Variants in MYO1B observed in about 807,000 individuals in gnomAD.
MYO1B encodes the protein myosin IB, also known as unconventional myosin-Ib.
MYO1B carries 72 observed loss-of-function variants against 159.7 expected under a neutral mutation model. The observed-to-expected ratio is 0.45, with a 90% confidence interval of 0.37 to 0.55. MYO1B has a LOEUF of 0.55. MYO1B is among the 20% of genes least tolerant of loss of function. The probability of loss-of-function intolerance (pLI) is 0.00; values close to 1 mark genes in which losing one functional copy is unlikely to be tolerated. For synonymous variants in MYO1B, 468 were observed against 473.8 expected (o/e 0.99, Z 0.16); for missense variants, 1,062 against 1,364.8 (o/e 0.78, Z 3.50).
chr2:191,408,833 C>T (rs1381075738), intron 25 of MYO1B, among the ~76,000 whole-genome samples: 1 of 152,212 alleles, frequency 6.6e-6, no homozygotes, highest in African/African-American at 2.4e-5. Context: ...CATTACTATT[C>T]TTCTTTTCTC....
intron 4 of MYO1B, among the ~76,000 whole-genome samples, chr2:191,336,365 TCA>T (rs1691841860): frequency 6.6e-6 from 1 of 152,304 alleles, no homozygotes; most frequent in Non-Finnish European, 1.5e-5. Flanking sequence ...GGCGAGCATT[TCA>T]CAGTGTTGAA....
intron 23 of MYO1B, chr2:191,402,404 CCACA>C: frequency 1.9e-6 from 1 of 538,550 alleles, no homozygotes; most frequent in East Asian, 3.3e-5. Flanking sequence ...ACCTTGGGAA[CCACA>C]CAGATTGTCC....
At chr2:191,290,249 C>T (rs1688617296) in intron 2 of MYO1B, among the ~76,000 whole-genome samples, 1 of 152,182 alleles carries the variant, frequency 6.6e-6, no homozygotes. Flanking sequence ...CCTCCCTACT[C>T]TTCCTTTTCT....
intron 1 of MYO1B, among the ~76,000 whole-genome samples, chr2:191,257,223 C>T (rs1028188982): frequency 6.6e-6 from 1 of 152,062 alleles, no homozygotes; most frequent in Non-Finnish European, 1.5e-5. Context: ...TACTTACTTA[C>T]ACCTAAATTA....
Position 191,389,853 on chromosome 2 carries a change from A to G in MYO1B, c.1782-439A>G, listed in dbSNP as rs557153107. On this transcript the variant is annotated intron_variant, in intron 17 of 30. Transcript: ENST00000392318. ...TGTTACCCCATCCAGACCAAGTGGT[A>G]AAACATTCCCGTCAGTCCAGAAGAT... Among the ~76,000 whole-genome samples the G allele has an allele frequency of 6.6e-5, 10 of 152,346 alleles. No individual in the cohort carries two copies. The South Asian group carries it at 2.1e-3, about 32-fold the overall frequency.
At chr2:191,398,506 T>G (rs1192331475) in intron 21 of MYO1B, among the ~76,000 whole-genome samples, 7 of 145,424 alleles carry the variant, frequency 4.8e-5, no homozygotes, top group Admixed American at 3.4e-4. Context: ...TCCTCACTTC[T>G]CAGACGGGGC....
chr2:191,354,439 T>C (rs1027585162), intron 7 of MYO1B, among the ~76,000 whole-genome samples: 8 of 152,022 alleles, frequency 5.3e-5, no homozygotes, highest in Non-Finnish European at 8.8e-5. Flanking sequence ...CATTTAAAAA[T>C]ACTTCTAAAT....
rs766797180 is a variant in MYO1B, at chr2:191,414,194, C to T, written c.3006+14C>T. Reference sequence around the variant, plus strand: ...GCTAATGGGAAGGTAAAAATGCTAACCTTGAAGACTGATAAGAAGTACCTA... The same window carrying T: ...GCTAATGGGAAGGTAAAAATGCTAATCTTGAAGACTGATAAGAAGTACCTA... On this transcript the variant is annotated intron_variant, in intron 28 of 30. Coordinates refer to ENST00000392318, the MANE Select transcript of MYO1B (RefSeq NM_001130158.3). 1 of 1,604,180 alleles carries T rather than the reference C, an allele frequency of 6.2e-7. No individual in the cohort carries two copies. Among genetic ancestry groups the T allele is most frequent in the South Asian group, 1.1e-5 (1 of 88,146 alleles).
intron 25 of MYO1B, 72 bp from the exon 26 acceptor site, chr2:191,408,972 C>T: frequency 6.9e-7 from 1 of 1,439,934 alleles, no homozygotes. Context: ...TTTATTTGAT[C>T]ATGATGTATG....
chr2:191,396,322 G>T, intron 20 of MYO1B, 107 bp from the exon 21 acceptor site: 1 of 1,139,208 alleles, frequency 8.8e-7, no homozygotes, highest in South Asian at 1.3e-5. Context: ...GAAGGAGTAT[G>T]GATAATTGAG....
intron 7 of MYO1B, among the ~76,000 whole-genome samples, chr2:191,353,535 C>T (rs1162926801): frequency 6.6e-6 from 1 of 152,146 alleles, no homozygotes; most frequent in African/African-American, 2.4e-5. Context: ...TTCACATTAC[C>T]TTATCAAGAG....
At chr2:191,336,612 C>A (rs1386058252) in intron 4 of MYO1B, among the ~76,000 whole-genome samples, 5 of 152,102 alleles carry the variant, frequency 3.3e-5, no homozygotes, top group Admixed American at 2.6e-4. Context: ...ATTGCAGGGC[C>A]CATGCATTTA....
At chr2:191,276,746 T>C (rs933868515) in intron 1 of MYO1B, 141 bp from the exon 2 acceptor site, 2 of 955,016 alleles carry the variant, frequency 2.1e-6, no homozygotes, top group Non-Finnish European at 3.0e-6. Flanking sequence ...ATGTGGTTCA[T>C]AGGGAGGAGA....
intron 21 of MYO1B, among the ~76,000 whole-genome samples, chr2:191,400,074 CT>C: frequency 6.6e-6 from 1 of 152,296 alleles, no homozygotes; most frequent in South Asian, 2.1e-4. Flanking sequence ...CCTCTGGCCC[CT>C]TTCTGAGAAC....
At chr2:191,352,027 T>C (rs1517838) in intron 7 of MYO1B, among the ~76,000 whole-genome samples, 71,805 of 152,180 alleles carry the variant, frequency 0.47, 20,330 homozygotes, top group East Asian at 0.66. Context: ...TTAATATGAA[T>C]TGAAGTTGAA....
intron 7 of MYO1B, among the ~76,000 whole-genome samples, chr2:191,357,567 G>A (rs1156231465): frequency 6.6e-6 from 1 of 152,172 alleles, no homozygotes; most frequent in Non-Finnish European, 1.5e-5. Context: ...TATCTCTTCT[G>A]TACTAAATAT....
chr2:191,362,380 T>C lies in MYO1B; in HGVS notation c.765+9T>C, dbSNP rs114940402. The C allele has an allele frequency of 3.9e-4, 631 of 1,607,932 alleles. 2 individuals carry two copies. The African/African-American group carries it at 7.8e-3, about 20-fold the overall frequency. On this transcript the variant is annotated intron_variant, in intron 9 of 30. Transcript: ENST00000392318. ...ATTTTAGAACCGTGCGGGTAAGATG[T>C]AGTACTTTCATCAAGCTTTAAATTG...
At position 191,381,541 on chromosome 2, in the gene MYO1B, A is replaced by G. The variant is rs148208389; in HGVS notation, c.1265A>G (p.Glu422Gly). 1.2e-6 allele frequency: 2 copies of G among 1,612,802 alleles called. No individual in the cohort carries two copies. Among genetic ancestry groups the G allele is most frequent in the African/African-American group, 2.7e-5 (2 of 74,876 alleles). ...ATCTTCATTGAACTTACTCTTAAAG[A>G]AGAGCAGGAGGAGTATATACGGGAG... is the stretch of plus-strand genomic sequence containing the variant. ...QQIFIELTLK[E>G]EQEEYIREDI... Residue 422 changes from glutamate to glycine, a missense_variant, in exon 14 of 31, where the codon GAA becomes GGA. Around this residue, in one of 5 missense-constraint regions of MYO1B, gnomAD observed 415 missense variants for 544.0 expected, o/e 0.76. Coordinates refer to ENST00000392318, the MANE Select transcript of MYO1B (RefSeq NM_001130158.3).
chr2:191,304,856 A>T (rs1381132909), intron 3 of MYO1B, among the ~76,000 whole-genome samples: 8 of 152,090 alleles, frequency 5.3e-5, no homozygotes, highest in Non-Finnish European at 1.2e-4. Context: ...CACATCTCAG[A>T]CTCGAAAGAG....
Sources: gnomAD v4.1 joint callset for allele counts (sites outside exome capture counted in the v4.1 genomes callset) on GRCh38, gnomAD v4.1.1 for gene constraint, gnomAD v4.1.1 regional missense constraint, MANE v1.5 for transcripts, NCBI Gene and HGNC (gene_info 2026-07-23, HGNC 2026-07-21) for gene names.